The following TTLL5 variants were observed in gnomAD, a reference collection of about 807,000 sequenced individuals.
The protein encoded by TTLL5 is tubulin tyrosine ligase like 5.
TTLL5 carries 132 observed loss-of-function variants against 168.4 expected under a neutral mutation model. The observed-to-expected ratio is 0.78, with a 90% CI of 0.68 to 0.91. The LOEUF is 0.91. TTLL5 is among the 40% of genes least tolerant of loss of function. TTLL5 has a pLI of 0.00. For missense variants in TTLL5, 1,545 were observed against 1,581.5 expected, an observed-to-expected ratio of 0.98 and a Z score of 0.39; for synonymous variants, 546 against 558.6, an observed-to-expected ratio of 0.98 and a Z score of 0.32.
intron 31 of TTLL5, among the ~76,000 whole-genome samples, chr14:75,922,546 G>T (rs572482706): frequency 6.6e-6 from 1 of 152,310 alleles, no homozygotes; most frequent in African/African-American, 2.4e-5. Flanking sequence ...GTTGATTTGC[G>T]TATGTTGAAC....
chr14:75,757,713 G>T, intron 18 of TTLL5: 2 of 765,484 alleles, frequency 2.6e-6, no homozygotes, highest in Admixed American at 3.0e-5. Context: ...TGCCCTCCTT[G>T]GCCTAATGTC....
intron 31 of TTLL5, among the ~76,000 whole-genome samples, chr14:75,912,304 G>A (rs1207494500): frequency 6.6e-6 from 1 of 152,170 alleles, no homozygotes; most frequent in East Asian, 1.9e-4. Context: ...AATAAAGTGG[G>A]TGGCAGCTGC....
intron 2 of TTLL5, among the ~76,000 whole-genome samples, chr14:75,665,340 G>T (rs1883178102): frequency 6.6e-6 from 1 of 152,184 alleles, no homozygotes; most frequent in Non-Finnish European, 1.5e-5. Flanking sequence ...CTGGGAGGGT[G>T]GCCTTTGATT....
intron 27 of TTLL5, among the ~76,000 whole-genome samples, chr14:75,793,489 T>C (rs1235993487): frequency 6.6e-6 from 1 of 152,218 alleles, no homozygotes; most frequent in Non-Finnish European, 1.5e-5. Flanking sequence ...AAAAAAATTT[T>C]TTTCTATACT....
intron 29 of TTLL5, among the ~76,000 whole-genome samples, chr14:75,875,195 A>T (rs1266238435): frequency 6.7e-6 from 1 of 148,606 alleles, no homozygotes; most frequent in Admixed American, 6.6e-5. Flanking sequence ...AGCCTCCCAA[A>T]GTGCTGGGAT....
intron 21 of TTLL5, among the ~76,000 whole-genome samples, chr14:75,774,825 A>G (rs1891621459): frequency 6.6e-6 from 1 of 151,990 alleles, no homozygotes; most frequent in Non-Finnish European, 1.5e-5. Flanking sequence ...AGTAGCGGAG[A>G]TTACAGGTGT....
intron 20 of TTLL5, 91 bp downstream of exon 20, chr14:75,766,459 T>C: frequency 1.7e-6 from 2 of 1,182,758 alleles, no homozygotes; most frequent in African/African-American, 1.5e-5. Flanking sequence ...TACAGTCATT[T>C]TTCATTTAAT....
intron 24 of TTLL5, among the ~76,000 whole-genome samples, chr14:75,780,432 A>G (rs1891979369): frequency 6.6e-6 from 1 of 152,188 alleles, no homozygotes; most frequent in South Asian, 2.1e-4. Flanking sequence ...GGAATTGAAT[A>G]TGGATGTGGC....
At chr14:75,720,486 C>T in intron 11 of TTLL5, 110 bp from the exon 12 acceptor site, 1 of 818,672 alleles carries the variant, frequency 1.2e-6, no homozygotes, top group Non-Finnish European at 2.0e-6. Flanking sequence ...CATATAGAGG[C>T]TTTTTTGAAT....
At chr14:75,680,579 AGC>A (rs1309432888) in intron 3 of TTLL5, among the ~76,000 whole-genome samples, 1 of 151,172 alleles carries the variant, frequency 6.6e-6, no homozygotes, top group African/African-American at 2.4e-5. Flanking sequence ...ACTGGTAATC[AGC>A]ATTATAGGAT....
intron 28 of TTLL5, among the ~76,000 whole-genome samples, chr14:75,851,947 G>A (rs896595503): frequency 6.6e-6 from 1 of 152,224 alleles, no homozygotes; most frequent in Admixed American, 6.5e-5. Context: ...TGGGAAGAAT[G>A]TTAATAATAG....
chr14:75,815,474 C>T (rs192156606), intron 27 of TTLL5, among the ~76,000 whole-genome samples: 1 of 152,278 alleles, frequency 6.6e-6, no homozygotes, highest in African/African-American at 2.4e-5. Flanking sequence ...ATAAACGTAA[C>T]CCTCCAATAA....
At chr14:75,725,468 G>T (rs1410171654) in intron 12 of TTLL5, among the ~76,000 whole-genome samples, 2 of 152,172 alleles carry the variant, frequency 1.3e-5, no homozygotes, top group Non-Finnish European at 2.9e-5. Context: ...TGGTTTCACT[G>T]GTTATTTCTT....
At chr14:75,795,680 G>A (rs1464018815) in intron 27 of TTLL5, among the ~76,000 whole-genome samples, 2 of 152,032 alleles carry the variant, frequency 1.3e-5, no homozygotes, top group African/African-American at 4.8e-5. Flanking sequence ...ATGATGTCTG[G>A]TTTTCCATTC....
At chr14:75,870,263 C>CTTT (rs60865248) in intron 29 of TTLL5, among the ~76,000 whole-genome samples, 109 of 140,788 alleles carry the variant, frequency 7.7e-4, no homozygotes, top group African/African-American at 2.8e-3. Context: ...TTACCTCAAT[C>CTTT]TTTTTTTTTT....
chr14:75,785,298 G>A (rs2140335706), intron 26 of TTLL5, among the ~76,000 whole-genome samples: 1 of 150,114 alleles, frequency 6.7e-6, no homozygotes, highest in African/African-American at 2.5e-5. Context: ...TCTTGCCTCA[G>A]CCTCCCGAGT....
chr14:75,883,270 G>T (rs1043888327), intron 30 of TTLL5, among the ~76,000 whole-genome samples: 7 of 152,232 alleles, frequency 4.6e-5, no homozygotes, highest in Non-Finnish European at 4.4e-5. Context: ...ATTGACATTA[G>T]TCACCAAGCT....
intron 29 of TTLL5, among the ~76,000 whole-genome samples, chr14:75,879,152 C>G (rs2031665043): frequency 1.3e-5 from 2 of 152,124 alleles, no homozygotes. Context: ...AGAAAAAGTA[C>G]ACACGTAAGT....
chr14:75,825,964 A>G (rs1566620509), intron 28 of TTLL5, among the ~76,000 whole-genome samples: 1 of 152,078 alleles, frequency 6.6e-6, no homozygotes, highest in Non-Finnish European at 1.5e-5. Context: ...TCCTTCACCG[A>G]GAGAGCTGAG....
Sources: allele counts gnomAD v4.1 joint callset (sites outside exome capture counted in the v4.1 genomes callset), GRCh38; gene constraint gnomAD v4.1.1; transcripts MANE v1.5; gene names NCBI Gene and HGNC (gene_info 2026-07-23, HGNC 2026-07-21).